The following SFTPD variants were observed in gnomAD, a reference collection of about 807,000 sequenced individuals.
SFTPD encodes surfactant protein D.
Under a neutral mutation model 34.6 loss-of-function variants are expected in SFTPD, and 18 were observed. The observed-to-expected ratio is 0.52, with a 90% confidence interval of 0.36 to 0.77. The LOEUF (loss-of-function observed/expected upper bound fraction) is 0.77, where lower values mean the gene tolerates loss of function less well. SFTPD is among the 30% of genes least tolerant of loss of function. The pLI, the probability that SFTPD is intolerant of heterozygous loss-of-function variation, is 0.00. For missense variants in SFTPD, 433 were observed against 468.9 expected, an observed-to-expected ratio of 0.92 and a Z score of 0.71; for synonymous variants, 155 against 180.9, an observed-to-expected ratio of 0.86 and a Z score of 1.15.
intron 1 of SFTPD, among the ~76,000 whole-genome samples, chr10:79,954,771 C>T (rs1287619047): frequency 6.6e-6 from 1 of 152,114 alleles, no homozygotes; most frequent in Non-Finnish European, 1.5e-5. Flanking sequence ...AGTCTTAAGT[C>T]CCCCAAGTGT....
At chr10:79,981,947 TCTC>T (rs933376851) in intron 1 of SFTPD, 5 of 311,178 alleles carry the variant, frequency 1.6e-5, no homozygotes, top group South Asian at 1.5e-4. Context: ...CCTCTCCACG[TCTC>T]CTCGTCTCCT....
At chr10:79,963,214 A>G (rs12764115) in intron 1 of SFTPD, among the ~76,000 whole-genome samples, 3 of 151,976 alleles carry the variant, frequency 2.0e-5, no homozygotes, top group Non-Finnish European at 4.4e-5. Context: ...ATGGTGATAC[A>G]TTCCTGCAGT....
At chr10:79,946,741 G>C in intron 1 of SFTPD, 79 bp from the exon 2 acceptor site, 1 of 1,285,450 alleles carries the variant, frequency 7.8e-7, no homozygotes, top group Non-Finnish European at 1.1e-6. Context: ...GCTTCTAGAG[G>C]TGACAAGAAG....
At chr10:79,950,121 G>A (rs1447469412), upstream of SFTPD, 2 of 152,132 alleles carry the variant, frequency 1.3e-5, no homozygotes, top group Admixed American at 6.5e-5. Context: ...GAGATTACAA[G>A]TGTAAGCCAT....
At chr10:79,982,002 C>T in intron 1 of SFTPD, 1 of 293,892 alleles carries the variant, frequency 3.4e-6, no homozygotes, top group Non-Finnish European at 6.3e-6. Flanking sequence ...TCGCCCACCT[C>T]CCCAGGAAGA....
Position 79,940,691 on chromosome 10 carries a change from A to G in SFTPD, c.751+14T>C. 6.4e-7 allele frequency: 1 copy of G among 1,563,876 alleles called. No homozygotes were observed. Among genetic ancestry groups the G allele is most frequent in the Non-Finnish European group, 8.8e-7 (1 of 1,136,208 alleles). ...ATGCCAGTGCTGGGTCCAGGTTCAG[A>G]TCCAGGAACTCACCTTTCTTATACT... On this transcript the variant is annotated intron_variant, in intron 7 of 7. Transcript: ENST00000372292.
At chr10:79,961,450 G>GAA (rs202035213) in intron 1 of SFTPD, among the ~76,000 whole-genome samples, 1 of 149,582 alleles carries the variant, frequency 6.7e-6, no homozygotes, top group Non-Finnish European at 1.5e-5. Flanking sequence ...AAATTTACAA[G>GAA]AAAAAAAACA....
chr10:79,979,756 T>C (rs1842880885), intron 1 of SFTPD, among the ~76,000 whole-genome samples: 1 of 152,206 alleles, frequency 6.6e-6, no homozygotes, highest in Non-Finnish European at 1.5e-5. Flanking sequence ...CTATGCTAGC[T>C]GGGCTCAGAG....
At chr10:79,952,831 A>G (rs1207810047), upstream of SFTPD, among the ~76,000 whole-genome samples, 1 of 152,182 alleles carries the variant, frequency 6.6e-6, no homozygotes. Context: ...TGGCCACCCA[A>G]TGCTCTGCCC....
intron 1 of SFTPD, among the ~76,000 whole-genome samples, chr10:79,966,750 T>A (rs1271066383): frequency 6.9e-6 from 1 of 144,410 alleles, no homozygotes; most frequent in Non-Finnish European, 1.5e-5. Context: ...CATCTTGAAT[T>A]GATTTTTGTA....
At chr10:79,950,563 T>G (rs1245185938), upstream of SFTPD, 1 of 152,374 alleles carries the variant, frequency 6.6e-6, no homozygotes, top group East Asian at 1.9e-4. Flanking sequence ...GTTAGTCTGT[T>G]GGGTTTTCCT....
chr10:79,961,184 A>G (rs1420269438), intron 1 of SFTPD, among the ~76,000 whole-genome samples: 2 of 152,246 alleles, frequency 1.3e-5, no homozygotes, highest in Admixed American at 1.3e-4. Flanking sequence ...ACCTAAAACC[A>G]TAAAAACCCT....
At chr10:79,952,410 A>G (rs1224270848), upstream of SFTPD, among the ~76,000 whole-genome samples, 1 of 152,104 alleles carries the variant, frequency 6.6e-6, no homozygotes, top group East Asian at 1.9e-4. Context: ...CACCAGTGTC[A>G]CCTGCCTACT....
intron 2 of SFTPD, among the ~76,000 whole-genome samples, chr10:79,944,913 G>T (rs1277099129): frequency 6.6e-6 from 1 of 152,046 alleles, no homozygotes; most frequent in Non-Finnish European, 1.5e-5. Context: ...TTCCAACTCT[G>T]CAGGGGTGGT....
At chr10:79,951,134 T>G (rs1488394303), upstream of SFTPD, 1 of 152,206 alleles carries the variant, frequency 6.6e-6, no homozygotes, top group Non-Finnish European at 1.5e-5. Context: ...CAACTTTCTC[T>G]TGTATCTCAT....
At chr10:79,955,653 T>C (rs1490992429) in intron 1 of SFTPD, among the ~76,000 whole-genome samples, 2 of 152,248 alleles carry the variant, frequency 1.3e-5, no homozygotes, top group East Asian at 3.8e-4. Context: ...GTCAATGGGC[T>C]GAATCCAATT....
At chr10:79,942,111 C>T (rs377685772) in intron 4 of SFTPD, 41 bp from the exon 5 acceptor site, 147 of 1,428,930 alleles carry the variant, frequency 1.0e-4, no homozygotes, top group East Asian at 1.6e-4. Flanking sequence ...GCTAAGAGCG[C>T]GTTCAGCAGG....
chr10:79,981,889 C>T (rs756399745), intron 1 of SFTPD: 1 of 265,194 alleles, frequency 3.8e-6, no homozygotes, highest in Non-Finnish European at 7.3e-6. Context: ...ACCTGAGCCG[C>T]CTCTTCCTGC....
At chr10:79,959,852 T>A (rs932146070) in intron 1 of SFTPD, among the ~76,000 whole-genome samples, 1 of 151,996 alleles carries the variant, frequency 6.6e-6, no homozygotes, top group Admixed American at 6.6e-5. Context: ...AAAAAGAGAA[T>A]TTTAGACCAA....
Sources: allele counts gnomAD v4.1 joint callset (sites outside exome capture counted in the v4.1 genomes callset), GRCh38; gene constraint gnomAD v4.1.1; transcripts MANE v1.5; gene names NCBI Gene and HGNC (gene_info 2026-07-23, HGNC 2026-07-21).